TRMT11: variants seen among roughly 807,000 people sequenced by gnomAD.
The protein encoded by TRMT11 is tRNA methyltransferase 11.
TRMT11 carries 53 observed loss-of-function variants against 62.8 expected under a neutral mutation model. The ratio of observed to expected loss-of-function variants is 0.84; its 90% CI spans 0.68 to 1.06. TRMT11 has a LOEUF of 1.06. Among genes scored for constraint, TRMT11 ranks in the 50% least tolerant of loss-of-function variants. The pLI, the probability that TRMT11 is intolerant of heterozygous loss-of-function variation, is 0.00. For missense variants in TRMT11, 556 were observed against 553.4 expected (o/e 1.00, Z -0.05); for synonymous variants, 188 against 190.3 (o/e 0.99, Z 0.10).
At chr6:126,046,222 A>T (rs1445710770) in intron 16 of TRMT11, among the ~76,000 whole-genome samples, 1 of 152,026 alleles carries the variant, frequency 6.6e-6, no homozygotes, top group Admixed American at 6.6e-5. Flanking sequence ...ATTAAGATGA[A>T]CTCCTAAAAA....
rs551001773 is a variant in TRMT11, at chr6:126,098,045, C to G, written c.*1438-14821C>G. On this transcript the variant is annotated intron_variant and NMD_transcript_variant, in intron 17 of 22. Transcript: ENST00000648977. ...AACACTAACTGGAAGAGCATGTGGT[C>G]TAGCCTGGAGTTTCCCCACTGTTTT... Among the ~76,000 whole-genome samples, 3 of 152,260 alleles carry G rather than the reference C, an allele frequency of 2.0e-5. No individual in the cohort carries two copies. In the East Asian group the frequency reaches 5.8e-4, roughly 29 times the overall value.
intron 17 of TRMT11, among the ~76,000 whole-genome samples, chr6:126,069,854 G>A (rs1361488976): frequency 1.3e-5 from 2 of 149,820 alleles, no homozygotes; most frequent in Non-Finnish European, 3.0e-5. Context: ...TGTAGATGAA[G>A]GTTTTTTTTT....
At chr6:126,271,283 G>C in the TRMT11 span, among the ~76,000 whole-genome samples, 990 of 141,852 alleles carry the variant, frequency 7.0e-3, 13 homozygotes, top group African/African-American at 0.025. Context: ...AAAATCGCTT[G>C]AACCCGGGAG....
intron 17 of TRMT11, among the ~76,000 whole-genome samples, chr6:126,090,174 T>A (rs894295659): frequency 6.6e-6 from 1 of 152,238 alleles, no homozygotes. Context: ...TTGTACCTTA[T>A]CACTTGCTCT....
intron 3 of TRMT11, chr6:126,200,024 A>C (rs1778717115): frequency 6.6e-6 from 1 of 152,226 alleles, no homozygotes; most frequent in African/African-American, 2.4e-5. Context: ...TCCAGAGATA[A>C]GAGCAATCAG....
intron 21 of TRMT11, among the ~76,000 whole-genome samples, chr6:126,130,162 C>T (rs1008159226): frequency 3.3e-5 from 5 of 152,018 alleles, no homozygotes; most frequent in Non-Finnish European, 7.4e-5. Flanking sequence ...GTGATAAGCT[C>T]TGTTCTAGTT....
chr6:126,138,277 A>G (rs1161132233), intron 21 of TRMT11, among the ~76,000 whole-genome samples: 1 of 151,976 alleles, frequency 6.6e-6, no homozygotes, highest in African/African-American at 2.4e-5. Flanking sequence ...TGTGTTATGA[A>G]TAGCTGAATA....
chr6:126,177,853 A>G (rs972611875), intron 1 of TRMT11, among the ~76,000 whole-genome samples: 1 of 152,076 alleles, frequency 6.6e-6, no homozygotes, highest in African/African-American at 2.4e-5. Context: ...AGCCTCTCTC[A>G]ATGCAAATAT....
At chr6:126,168,987 CAA>C (rs1778299437) in intron 21 of TRMT11, among the ~76,000 whole-genome samples, 1 of 152,146 alleles carries the variant, frequency 6.6e-6, no homozygotes, top group African/African-American at 2.4e-5. Flanking sequence ...AACAGAATTG[CAA>C]AGTTATTCCA....
chr6:126,100,979 G>A (rs750263868), intron 17 of TRMT11, among the ~76,000 whole-genome samples: 1 of 152,096 alleles, frequency 6.6e-6, no homozygotes, highest in Non-Finnish European at 1.5e-5. Context: ...TCACAGTGGG[G>A]TTCACGCTTC....
intron 21 of TRMT11, among the ~76,000 whole-genome samples, chr6:126,134,452 A>G (rs1372455809): frequency 1.3e-5 from 2 of 151,882 alleles, no homozygotes; most frequent in Non-Finnish European, 2.9e-5. Flanking sequence ...AGGACATACC[A>G]TAGTAAATAC....
chr6:126,120,182 G>A (rs1777633659), intron 21 of TRMT11, among the ~76,000 whole-genome samples: 1 of 152,152 alleles, frequency 6.6e-6, no homozygotes, highest in African/African-American at 2.4e-5. Context: ...GAGTGAGGCA[G>A]GAGAATCACG....
chr6:126,018,810 C>T (rs2127976123), intron 11 of TRMT11, among the ~76,000 whole-genome samples: 1 of 152,296 alleles, frequency 6.6e-6, no homozygotes, highest in South Asian at 2.1e-4. Flanking sequence ...ATGCCTTCTA[C>T]TTAACCACTT....
the TRMT11 span, among the ~76,000 whole-genome samples, chr6:126,251,550 G>T: frequency 6.6e-6 from 1 of 151,976 alleles, no homozygotes; most frequent in Non-Finnish European, 1.5e-5. Context: ...TCACCATGTT[G>T]TACAACATAT....
chr6:126,024,469 A>C (rs1014004994), intron 12 of TRMT11, among the ~76,000 whole-genome samples: 1 of 152,198 alleles, frequency 6.6e-6, no homozygotes, highest in African/African-American at 2.4e-5. Context: ...ATACAGTGGC[A>C]CTATTACACC....
At chr6:126,199,948 A>G (rs1778716129) in intron 3 of TRMT11, 1 of 152,206 alleles carries the variant, frequency 6.6e-6, no homozygotes, top group African/African-American at 2.4e-5. Flanking sequence ...CTAAGATGGA[A>G]TACTAATGAA....
intron 21 of TRMT11, among the ~76,000 whole-genome samples, chr6:126,157,782 G>A (rs1778138048): frequency 6.6e-6 from 1 of 152,110 alleles, no homozygotes. Flanking sequence ...TCAAAAGAGA[G>A]TTACTCTAGT....
At chr6:126,237,125 A>G in the TRMT11 span, among the ~76,000 whole-genome samples, 16 of 152,072 alleles carry the variant, frequency 1.1e-4, no homozygotes, top group African/African-American at 3.1e-4. Context: ...GTCAATAAAC[A>G]CCTCTCAGAA....
chr6:126,228,087 C>T, the TRMT11 span, among the ~76,000 whole-genome samples: 4 of 152,246 alleles, frequency 2.6e-5, no homozygotes, highest in African/African-American at 7.2e-5. Context: ...ATTTCCCAGA[C>T]AGCCAGCAGT....
Sources: allele counts gnomAD v4.1 joint callset (sites outside exome capture counted in the v4.1 genomes callset), GRCh38; gene constraint gnomAD v4.1.1; transcripts MANE v1.5; gene names NCBI Gene and HGNC (gene_info 2026-07-23, HGNC 2026-07-21).